Variants in AFAP1 observed in about 807,000 individuals in gnomAD.
AFAP1 encodes actin filament associated protein 1.
In AFAP1, 75 loss-of-function variants were observed where a neutral mutation model predicts 93.9. The observed-to-expected ratio is 0.80, with a 90% CI of 0.66 to 0.97. The LOEUF is 0.97. AFAP1 is among the 50% of genes least tolerant of loss of function. AFAP1 has a pLI of 0.00. For synonymous variants in AFAP1, 517 were observed against 430.7 expected (o/e 1.20, Z -2.48); for missense variants, 1,201 against 1,050.8 (o/e 1.14, Z -1.98).
intron 10 of AFAP1, among the ~76,000 whole-genome samples, chr4:7,796,199 A>G (rs1718402801): frequency 6.6e-6 from 1 of 152,130 alleles, no homozygotes; most frequent in Non-Finnish European, 1.5e-5. Context: ...GCCATTCTCC[A>G]CTAAAAGGAA....
chr4:7,782,155 C>T (rs774188101), intron 12 of AFAP1, among the ~76,000 whole-genome samples: 2 of 152,208 alleles, frequency 1.3e-5, no homozygotes, highest in Admixed American at 1.3e-4. Context: ...ACGCTGACTT[C>T]GTCTCACAGT....
chr4:7,893,161 A>T (rs1239720865), intron 1 of AFAP1, among the ~76,000 whole-genome samples: 1 of 152,216 alleles, frequency 6.6e-6, no homozygotes, highest in East Asian at 1.9e-4. Flanking sequence ...ACTATTCCAG[A>T]TCAGTGGCTA....
rs527512134 is a variant in AFAP1, at chr4:7,939,660, G to C, written c.-7C>G. On this transcript the variant is annotated 5_prime_UTR_variant, in exon 1 of 18. Transcript: ENST00000420658. The surrounding 1 kb of genome is among the most constrained non-coding windows in gnomAD (Gnocchi z 5.6). ...CCGCCAGTCGCGCCGTCTCACCTCA[G>C]GCCGCCACCTCGCAGCGCTCGCTCC... 9.4e-4 allele frequency: 394 copies of C among 419,356 alleles called. 2 individuals are homozygous for C. Among genetic ancestry groups the C allele is most frequent in the African/African-American group, 7.9e-3 (361 of 45,894 alleles). The allele number at this position is 419,356 out of a possible 1,614,324, so 26.0% of individuals were successfully genotyped here. A position where few individuals can be genotyped will look rare whatever the true frequency, so the allele number is the denominator to read the frequency against.
At chr4:7,832,330 A>G (rs1366025308) in intron 6 of AFAP1, among the ~76,000 whole-genome samples, 4 of 151,786 alleles carry the variant, frequency 2.6e-5, no homozygotes, top group African/African-American at 7.3e-5. Flanking sequence ...TGCCAATAAC[A>G]TGAAAAAAAA....
intron 3 of AFAP1, among the ~76,000 whole-genome samples, chr4:7,866,016 C>A (rs1716356584): frequency 6.6e-6 from 1 of 152,206 alleles, no homozygotes; most frequent in Non-Finnish European, 1.5e-5. Flanking sequence ...CCTGCCTCAG[C>A]CTCCCAAGTA....
intron 10 of AFAP1, among the ~76,000 whole-genome samples, chr4:7,796,575 C>G (rs546219205): frequency 1.4e-3 from 205 of 151,630 alleles, no homozygotes; most frequent in Middle Eastern, 3.4e-3. Flanking sequence ...CGGTGAAACC[C>G]TGTCTCTACT....
chr4:7,855,586 A>G lies in AFAP1; in HGVS notation c.226-12T>C. On this transcript the variant is annotated splice_polypyrimidine_tract_variant and intron_variant, in intron 3 of 17. Coordinates refer to ENST00000420658, the MANE Select transcript of AFAP1 (RefSeq NM_001134647.2). The stretch of plus-strand genomic sequence containing the variant: ...CCACTGTCAGGAGGCTGAGGAAGAA[A>G]GGAAAAGTGACACAGAAATTAGCAT... 6.3e-7 allele frequency: 1 copy of G among 1,587,026 alleles called. No homozygotes were observed. The highest frequency in any genetic ancestry group is 8.7e-7 in the Non-Finnish European group (1 of 1,155,500).
chr4:7,834,092 TACACACACAC>T (rs142790415), intron 6 of AFAP1, among the ~76,000 whole-genome samples: 70 of 126,670 alleles, frequency 5.5e-4, no homozygotes, highest in Admixed American at 2.0e-3. Context: ...AACTGTGGCA[TACACACACAC>T]ACACACACAC....
Position 7,847,792 on chromosome 4 carries a change from T to TCGGGG in AFAP1, c.335-4447_335-4443dup, listed in dbSNP as rs1553845869. The stretch of plus-strand genomic sequence containing the variant: ...CAGGAAGGTTCTATTTCAGGGGTAC[T>TCGGGG]CGGGGTGGGGCATTGATTAGATACC... On this transcript the variant is annotated intron_variant, in intron 4 of 17. Transcript: ENST00000420658. Among the ~76,000 whole-genome samples the TCGGGG allele has an allele frequency of 1.1e-4, 4 of 36,568 alleles. 1 individual carries two copies. Among genetic ancestry groups the TCGGGG allele is most frequent in the Admixed American group, 2.2e-4 (1 of 4,560 alleles). The allele number at this position is 36,568 out of a possible 152,430, so 24.0% of individuals were successfully genotyped here. A position where few individuals can be genotyped will look rare whatever the true frequency, so the allele number is the denominator to read the frequency against.
chr4:7,787,914 C>G (rs1198405648), intron 11 of AFAP1, among the ~76,000 whole-genome samples: 1 of 152,222 alleles, frequency 6.6e-6, no homozygotes, highest in Admixed American at 6.5e-5. Context: ...CTGCCGAACT[C>G]CTCTCCTGAC....
At chr4:7,882,615 C>A (rs1717915365) in intron 1 of AFAP1, among the ~76,000 whole-genome samples, 1 of 152,154 alleles carries the variant, frequency 6.6e-6, no homozygotes, top group African/African-American at 2.4e-5. Flanking sequence ...CATCTCAGCA[C>A]TTTGGAAGGC....
chr4:7,807,108 C>T (rs905405550), intron 9 of AFAP1, among the ~76,000 whole-genome samples: 1 of 152,148 alleles, frequency 6.6e-6, no homozygotes, highest in Non-Finnish European at 1.5e-5. Context: ...TGTAAATGGA[C>T]GGGTTTGGGC....
chr4:7,778,657 C>A lies in AFAP1; in HGVS notation c.1897+105G>T, dbSNP rs1716407817. On this transcript the variant is annotated intron_variant, in intron 14 of 17. Transcript: ENST00000420658. ...TGACGGTGCCCACCGCTCCATCTCT[C>A]CAGCTGACCCCAAGCTGGCACTCAC... 3 of 1,102,206 alleles carry A rather than the reference C, an allele frequency of 2.7e-6. No individual in the cohort carries two copies. The African/African-American group carries it at 4.6e-5, about 17-fold the overall frequency. 68.3% of individuals were successfully genotyped at this position (1,102,206 alleles called of 1,614,324 possible).
chr4:7,876,496 A>G (rs926560305), intron 1 of AFAP1, among the ~76,000 whole-genome samples: 1 of 152,228 alleles, frequency 6.6e-6, no homozygotes, highest in Admixed American at 6.5e-5. Context: ...ATAGAAATGC[A>G]GCAACCAGGG....
chr4:7,766,347 C>A (rs1714575375), intron 17 of AFAP1, among the ~76,000 whole-genome samples: 1 of 152,158 alleles, frequency 6.6e-6, no homozygotes, highest in African/African-American at 2.4e-5. Context: ...TGTACAGGTC[C>A]CCCATTTCCT....
intron 16 of AFAP1, among the ~76,000 whole-genome samples, chr4:7,771,900 T>A (rs548408175): frequency 2.0e-5 from 3 of 149,980 alleles, no homozygotes; most frequent in African/African-American, 7.4e-5. Flanking sequence ...AAGGGGAGAG[T>A]AAGGAAGAAC....
chr4:7,813,758 A>T (rs1262787503), intron 8 of AFAP1, among the ~76,000 whole-genome samples: 1 of 152,238 alleles, frequency 6.6e-6, no homozygotes, highest in Non-Finnish European at 1.5e-5. Context: ...ACAGACTTAG[A>T]AAACCACATA....
At chr4:7,894,052 C>CT (rs941394256) in intron 1 of AFAP1, among the ~76,000 whole-genome samples, 2 of 152,166 alleles carry the variant, frequency 1.3e-5, no homozygotes, top group Non-Finnish European at 2.9e-5. Context: ...AAACGCTGCA[C>CT]TTGGCCTCTG....
chr4:7,895,244 C>T (rs919819658), intron 1 of AFAP1, among the ~76,000 whole-genome samples: 1 of 152,222 alleles, frequency 6.6e-6, no homozygotes, highest in Non-Finnish European at 1.5e-5. Flanking sequence ...TGTGCTACCT[C>T]ACCTCTAAAA....
Sources: allele counts gnomAD v4.1 joint callset (sites outside exome capture counted in the v4.1 genomes callset), GRCh38; gene constraint gnomAD v4.1.1; non-coding constraint Gnocchi (gnomAD v3.1); transcripts MANE v1.5; gene names NCBI Gene and HGNC (gene_info 2026-07-23, HGNC 2026-07-21).